Variants in NTM observed in about 807,000 individuals in gnomAD.
The protein encoded by NTM is IgLON family member 2.
In NTM, 13 loss-of-function variants were observed where a neutral mutation model predicts 42.1. The observed-to-expected ratio is 0.31, with a 90% CI of 0.20 to 0.49. The LOEUF is 0.49. Among genes scored for constraint, NTM ranks in the 20% least tolerant of loss-of-function variants. The pLI is 0.99. For synonymous variants in NTM, 187 were observed against 179.2 expected, an observed-to-expected ratio of 1.04 and a Z score of -0.35; for missense variants, 373 against 452.8, an observed-to-expected ratio of 0.82 and a Z score of 1.60.
chr11:131,643,785 A>C (rs958247330), intron 1 of NTM, among the ~76,000 whole-genome samples: 6 of 152,180 alleles, frequency 3.9e-5, no homozygotes, highest in African/African-American at 1.4e-4. Context: ...TCTGTGGGTC[A>C]CAGAATACAG....
At chr11:132,236,787 G>A (rs1566546453) in intron 4 of NTM, among the ~76,000 whole-genome samples, 1 of 152,200 alleles carries the variant, frequency 6.6e-6, no homozygotes, top group Non-Finnish European at 1.5e-5. Context: ...TAATCTCCCG[G>A]CATGGAGAAT....
intron 1 of NTM, among the ~76,000 whole-genome samples, chr11:131,735,950 A>G (rs1335609582): frequency 6.6e-6 from 1 of 151,792 alleles, no homozygotes; most frequent in African/African-American, 2.4e-5. Context: ...CACGTGCCTC[A>G]GCCTCCCGAG....
intron 1 of NTM, among the ~76,000 whole-genome samples, chr11:131,587,125 GT>G (rs1336085242): frequency 6.6e-6 from 1 of 152,128 alleles, no homozygotes; most frequent in East Asian, 1.9e-4. Context: ...TCTGGAGTGA[GT>G]TCTGTTATTA....
intron 2 of NTM, among the ~76,000 whole-genome samples, chr11:132,127,925 C>T (rs1431904623): frequency 6.6e-6 from 1 of 152,224 alleles, no homozygotes; most frequent in Non-Finnish European, 1.5e-5. Flanking sequence ...CTTCCCCATC[C>T]AAGGGACTGA....
chr11:131,849,354 G>T (rs10791178), intron 1 of NTM, among the ~76,000 whole-genome samples: 1 of 151,912 alleles, frequency 6.6e-6, no homozygotes. Context: ...CATGGCACCC[G>T]TGTCTGCTTG....
chr11:131,883,318 G>T (rs1439742464), intron 1 of NTM, among the ~76,000 whole-genome samples: 1 of 152,196 alleles, frequency 6.6e-6, no homozygotes, highest in Non-Finnish European at 1.5e-5. Context: ...ACGGGGAACT[G>T]GTGGGCTTCT....
At chr11:131,681,467 T>G (rs1377339782) in intron 1 of NTM, among the ~76,000 whole-genome samples, 1 of 3,424 alleles carries the variant, frequency 2.9e-4, no homozygotes, top group African/African-American at 1.1e-3. Flanking sequence ...GCGTGTGTGT[T>G]TCTGTGTCTG....
At position 132,235,359 on chromosome 11, in the gene NTM, C is replaced by T. The variant is rs115390437; in HGVS notation, c.526+23212C>T. On this transcript the variant is annotated intron_variant, in intron 4 of 8. Coordinates refer to ENST00000683400, the MANE Select transcript of NTM (RefSeq NM_001352005.2). ...GTGGGTGTGTGTGCATGTGTGTGAGCGTGTATGCATGTGTGTGTCCAGTCA... is the reference window on the plus strand; with the variant it reads ...GTGGGTGTGTGTGCATGTGTGTGAGTGTGTATGCATGTGTGTGTCCAGTCA... Among the ~76,000 whole-genome samples, 512 of 151,986 alleles carry T rather than the reference C, an allele frequency of 3.4e-3. 4 individuals carry two copies. Among genetic ancestry groups the T allele is most frequent in the African/African-American group, 0.011 (467 of 41,434 alleles).
intron 1 of NTM, among the ~76,000 whole-genome samples, chr11:131,448,595 C>T (rs1412463169): frequency 6.6e-6 from 1 of 152,256 alleles, no homozygotes; most frequent in Non-Finnish European, 1.5e-5. Context: ...ATTTCTTCTT[C>T]TCTGAACAGT....
intron 2 of NTM, among the ~76,000 whole-genome samples, chr11:132,009,952 G>C (rs2071723750): frequency 6.6e-6 from 1 of 152,096 alleles, no homozygotes; most frequent in Non-Finnish European, 1.5e-5. Context: ...CTGAATGTGT[G>C]GCTCAAATGG....
At chr11:131,992,519 C>T (rs1940584) in intron 2 of NTM, among the ~76,000 whole-genome samples, 120,091 of 151,862 alleles carry the variant, frequency 0.79, 47,805 homozygotes, top group East Asian at 0.93. Flanking sequence ...GCTTCAAAAA[C>T]AGGCACCAAG....
At chr11:131,476,357 C>T (rs1024735086) in intron 1 of NTM, among the ~76,000 whole-genome samples, 1 of 152,164 alleles carries the variant, frequency 6.6e-6, no homozygotes, top group Admixed American at 6.5e-5. Flanking sequence ...CAGCAGGACC[C>T]CAGCTAATCA....
At chr11:132,111,675 T>G (rs1344565083) in intron 2 of NTM, among the ~76,000 whole-genome samples, 1 of 152,200 alleles carries the variant, frequency 6.6e-6, no homozygotes, top group East Asian at 1.9e-4. Context: ...CTGAAAACAG[T>G]TGTAGATTCC....
intron 4 of NTM, 54 bp downstream of exon 4, chr11:132,212,201 G>A (rs2082966825): frequency 1.3e-6 from 2 of 1,523,020 alleles, no homozygotes; most frequent in Admixed American, 3.6e-5. Flanking sequence ...GGAATTTTGG[G>A]CCTTTGGTAG....
chr11:131,730,711 C>G (rs142655059), intron 1 of NTM, among the ~76,000 whole-genome samples: 1,333 of 109,988 alleles, frequency 0.012, 21 homozygotes, highest in African/African-American at 0.04. Context: ...ACAGTAGACC[C>G]TATCTGTTAA....
intron 2 of NTM, among the ~76,000 whole-genome samples, chr11:132,009,725 C>T (rs1011617444): frequency 2.6e-5 from 4 of 152,214 alleles, no homozygotes; most frequent in Non-Finnish European, 5.9e-5. Flanking sequence ...CAAATTGCCT[C>T]CCTGTTGACC....
At chr11:131,936,680 C>T (rs2059254596) in intron 2 of NTM, among the ~76,000 whole-genome samples, 1 of 152,158 alleles carries the variant, frequency 6.6e-6, no homozygotes, top group South Asian at 2.1e-4. Context: ...CATGCATACA[C>T]ACACAAACAC....
chr11:131,633,530 T>C (rs1386031297), intron 1 of NTM, among the ~76,000 whole-genome samples: 1 of 151,936 alleles, frequency 6.6e-6, no homozygotes, highest in Non-Finnish European at 1.5e-5. Flanking sequence ...TCTGTCTCTC[T>C]CTCTCTCTCT....
chr11:131,395,830 G>A (rs1021205319), intron 1 of NTM, among the ~76,000 whole-genome samples: 3 of 152,114 alleles, frequency 2.0e-5, no homozygotes, highest in South Asian at 4.2e-4. Flanking sequence ...GCTACCAGAT[G>A]TCAACCCAGT....
Sources: gnomAD v4.1 joint callset for allele counts (sites outside exome capture counted in the v4.1 genomes callset) on GRCh38, gnomAD v4.1.1 for gene constraint, MANE v1.5 for transcripts, NCBI Gene and HGNC (gene_info 2026-07-23, HGNC 2026-07-21) for gene names.